MKLN1: variants seen among roughly 807,000 people sequenced by gnomAD.
MKLN1 encodes muskelin 1, also known as muskelin.
Under a neutral mutation model 99.0 loss-of-function variants are expected in MKLN1, and 18 were observed. The ratio of observed to expected loss-of-function variants is 0.18; its 90% CI spans 0.13 to 0.27. The LOEUF (loss-of-function observed/expected upper bound fraction) is 0.27, where lower values mean the gene tolerates loss of function less well. Ranked by LOEUF, MKLN1 falls within the 10% of genes least tolerant of loss-of-function variation. The pLI is 1.00. For synonymous variants in MKLN1, 288 were observed against 293.2 expected (o/e 0.98, Z 0.18); for missense variants, 621 against 875.9 (o/e 0.71, Z 3.67).
At chr7:131,114,538 G>C (rs1283096419) in intron 1 of MKLN1, among the ~76,000 whole-genome samples, 1 of 152,104 alleles carries the variant, frequency 6.6e-6, no homozygotes, top group Admixed American at 6.6e-5. Context: ...AGTGAGGAAA[G>C]AAAAAATACA....
intron 15 of MKLN1, among the ~76,000 whole-genome samples, chr7:131,469,881 C>T (rs1584775577): frequency 6.8e-6 from 1 of 146,644 alleles, no homozygotes. Context: ...CTCAGTTTTG[C>T]TTTTTTTTTT....
chr7:131,486,076 G>T (rs1457837673), intron 17 of MKLN1, among the ~76,000 whole-genome samples: 1 of 151,700 alleles, frequency 6.6e-6, no homozygotes, highest in Non-Finnish European at 1.5e-5. Context: ...TTTCAGTGGG[G>T]TACACACATG....
chr7:131,222,425 G>A (rs919134405), intron 3 of MKLN1, among the ~76,000 whole-genome samples: 4 of 152,154 alleles, frequency 2.6e-5, no homozygotes, highest in Admixed American at 6.5e-5. Context: ...TTTAATACCC[G>A]AAGTCATGCT....
At chr7:131,154,198 A>G (rs1292731202) in intron 2 of MKLN1, among the ~76,000 whole-genome samples, 1 of 152,190 alleles carries the variant, frequency 6.6e-6, no homozygotes, top group Non-Finnish European at 1.5e-5. Context: ...AATAGTAGTT[A>G]CCTGTAAAAA....
chr7:131,382,234 T>G (rs145639125), intron 2 of MKLN1, among the ~76,000 whole-genome samples: 2,678 of 152,112 alleles, frequency 0.018, 68 homozygotes, highest in African/African-American at 0.061. Flanking sequence ...GCGTGGTGGC[T>G]CATGCCTGTA....
At chr7:131,261,476 A>G (rs1797730476) in intron 3 of MKLN1, among the ~76,000 whole-genome samples, 2 of 152,250 alleles carry the variant, frequency 1.3e-5, no homozygotes, top group African/African-American at 4.8e-5. Context: ...AATGGCTACT[A>G]TTAAAAAGTC....
intron 16 of MKLN1, among the ~76,000 whole-genome samples, chr7:131,472,526 C>T (rs1796846214): frequency 6.6e-6 from 1 of 151,948 alleles, no homozygotes; most frequent in Non-Finnish European, 1.5e-5. Context: ...CATTCCATTT[C>T]ATAAAAGCTT....
At chr7:131,110,154 C>T (rs1795168734) in exon 1 of MKLN1, 2 of 194,488 alleles carry the variant, frequency 1.0e-5, no homozygotes, top group African/African-American at 2.4e-5. Context: ...CCAGAGCCGC[C>T]CGGGAGCAGG....
intron 2 of MKLN1, among the ~76,000 whole-genome samples, chr7:131,157,544 G>A (rs890882016): frequency 2.0e-4 from 30 of 152,116 alleles, no homozygotes; most frequent in African/African-American, 6.3e-4. Context: ...GAGAGAAATC[G>A]TATCCATTTT....
intron 3 of MKLN1, among the ~76,000 whole-genome samples, chr7:131,229,813 C>T (rs565536137): frequency 3.4e-4 from 52 of 152,214 alleles, no homozygotes; most frequent in Admixed American, 1.8e-3. Context: ...CTCAGCCTCC[C>T]GAAGTGCTAG....
At position 131,411,288 on chromosome 7, in the gene MKLN1, A is replaced by G; in HGVS notation, c.704-18A>G. ...AGTAGTTAAGGTGTAATTCTTTCTC[A>G]TTCTTCAATATTTGCAGATGGCTTG... On this transcript the variant is annotated intron_variant, in intron 6 of 17. Coordinates refer to ENST00000352689, the MANE Select transcript of MKLN1 (RefSeq NM_013255.5). 1 of 1,521,428 alleles carries G rather than the reference A, an allele frequency of 6.6e-7. No homozygotes were observed. The highest frequency in any genetic ancestry group is 1.4e-5 in the African/African-American group (1 of 73,144). The allele number at this position is 1,521,428 out of a possible 1,614,324, so 94.2% of individuals were successfully genotyped here.
At chr7:131,314,623 C>T (rs951646001) in intron 3 of MKLN1, among the ~76,000 whole-genome samples, 2 of 151,892 alleles carry the variant, frequency 1.3e-5, no homozygotes, top group Admixed American at 6.6e-5. Flanking sequence ...GGGGTTTCAC[C>T]GTATTAGCCA....
intron 16 of MKLN1, among the ~76,000 whole-genome samples, chr7:131,476,261 C>T (rs1482012224): frequency 6.6e-6 from 1 of 152,036 alleles, no homozygotes; most frequent in Admixed American, 6.6e-5. Context: ...ATATTATTAG[C>T]CCCTCTATTC....
intron 1 of MKLN1, among the ~76,000 whole-genome samples, chr7:131,337,360 C>T (rs566835225): frequency 1.3e-5 from 2 of 151,924 alleles, no homozygotes; most frequent in African/African-American, 4.8e-5. Flanking sequence ...ACTTTTTATC[C>T]CCCATATGTC....
intron 3 of MKLN1, among the ~76,000 whole-genome samples, chr7:131,248,151 C>G (rs192863204): frequency 6.6e-6 from 1 of 152,030 alleles, no homozygotes; most frequent in Non-Finnish European, 1.5e-5. Flanking sequence ...GTCTCAAACT[C>G]CTAGGCTCAA....
At chr7:131,242,641 G>T in intron 3 of MKLN1, 1 of 561,764 alleles carries the variant, frequency 1.8e-6, no homozygotes, top group Non-Finnish European at 3.4e-6. Flanking sequence ...CTGGCTGGAT[G>T]CTATTCTGGA....
chr7:131,177,064 T>A (rs1025403448), intron 2 of MKLN1, among the ~76,000 whole-genome samples: 1 of 152,214 alleles, frequency 6.6e-6, no homozygotes, highest in African/African-American at 2.4e-5. Flanking sequence ...TTGCACAAGG[T>A]CATTTTGCCA....
At chr7:131,175,433 C>G (rs1042438494) in intron 2 of MKLN1, among the ~76,000 whole-genome samples, 5 of 152,078 alleles carry the variant, frequency 3.3e-5, no homozygotes, top group African/African-American at 1.2e-4. Flanking sequence ...ATTTTGTAAT[C>G]CCACAACATT....
intron 2 of MKLN1, among the ~76,000 whole-genome samples, chr7:131,194,238 T>A (rs942660695): frequency 2.6e-5 from 4 of 152,122 alleles, no homozygotes; most frequent in African/African-American, 9.7e-5. Context: ...TCCAAAACAT[T>A]TGGATCATAC....
Sources: allele counts gnomAD v4.1 joint callset (sites outside exome capture counted in the v4.1 genomes callset), GRCh38; gene constraint gnomAD v4.1.1; transcripts MANE v1.5; gene names NCBI Gene and HGNC (gene_info 2026-07-23, HGNC 2026-07-21).